The following TMEM65 variants were observed in gnomAD, a reference collection of about 807,000 sequenced individuals.
TMEM65 encodes transmembrane protein 65.
TMEM65 carries 22 observed loss-of-function variants against 25.4 expected under a neutral mutation model. The observed-to-expected ratio is 0.86, with a 90% confidence interval of 0.62 to 1.23. The LOEUF (loss-of-function observed/expected upper bound fraction) is 1.23. TMEM65 is among the 50% of genes most tolerant of loss of function. The pLI is 0.00. For missense variants in TMEM65, 262 were observed against 308.2 expected, an observed-to-expected ratio of 0.85 and a Z score of 1.12; for synonymous variants, 132 against 126.2, an observed-to-expected ratio of 1.05 and a Z score of -0.31.
chr8:124,345,599 T>G (rs1172704280), intron 1 of TMEM65, among the ~76,000 whole-genome samples: 1 of 152,220 alleles, frequency 6.6e-6, no homozygotes, highest in Admixed American at 6.5e-5. Flanking sequence ...GTGAGCTCTA[T>G]TATTTAATAG....
intron 1 of TMEM65, among the ~76,000 whole-genome samples, chr8:124,331,151 T>C (rs527588729): frequency 2.2e-4 from 33 of 151,904 alleles, no homozygotes; most frequent in African/African-American, 7.7e-4. Flanking sequence ...GGTACTCTTC[T>C]TTCAGATGGC....
At chr8:124,342,542 T>A (rs1268693567) in intron 1 of TMEM65, among the ~76,000 whole-genome samples, 1 of 152,182 alleles carries the variant, frequency 6.6e-6, no homozygotes, top group Non-Finnish European at 1.5e-5. Flanking sequence ...ATAACCTATA[T>A]AATAAACAAG....
In TMEM65 at chr8:124,314,012, A is replaced by C; in HGVS notation, c.671T>G (p.Leu224Ter). 6.2e-7 allele frequency: 1 copy of C among 1,613,700 alleles called. No homozygotes were observed. Among genetic ancestry groups the C allele is most frequent in the Non-Finnish European group, 8.5e-7 (1 of 1,179,792 alleles). ...TTCTTCACCTCCTCCAAAGAAAATT[A>C]AAGGAAACATTCCTAGAATGCAGCC... ...TIGCILGMFP[L>*]IFFGGGEEDE... Residue 224 changes from leucine (L) to a stop codon, truncating the protein, a stop_gained, in exon 7 of 7, where the codon TTA becomes TGA. Coordinates refer to ENST00000297632, the MANE Select transcript of TMEM65 (RefSeq NM_194291.3). LOFTEE classifies it high-confidence loss of function.
At chr8:124,366,038 T>C (rs1814934568) in intron 1 of TMEM65, among the ~76,000 whole-genome samples, 1 of 152,228 alleles carries the variant, frequency 6.6e-6, no homozygotes, top group South Asian at 2.1e-4. Flanking sequence ...CTGGCCAACC[T>C]GGCAAAACCC....
chr8:124,350,443 C>A (rs1237879830), intron 1 of TMEM65, among the ~76,000 whole-genome samples: 1 of 145,164 alleles, frequency 6.9e-6, no homozygotes, highest in Non-Finnish European at 1.5e-5. Flanking sequence ...CATAACATAC[C>A]CCTACACTCT....
At chr8:124,326,230 T>G (rs940876765) in intron 3 of TMEM65, among the ~76,000 whole-genome samples, 1 of 152,012 alleles carries the variant, frequency 6.6e-6, no homozygotes, top group Non-Finnish European at 1.5e-5. Context: ...GTATATGATA[T>G]TTTTTTCTCC....
At chr8:124,322,455 A>G (rs888628123) in intron 4 of TMEM65, among the ~76,000 whole-genome samples, 2 of 152,176 alleles carry the variant, frequency 1.3e-5, no homozygotes, top group Non-Finnish European at 2.9e-5. Context: ...GGAATTGGTA[A>G]AGTTGCATGT....
In TMEM65 at chr8:124,306,773, AC is replaced by A. The variant is rs1270890353; in HGVS notation, c.*7186del. The A allele has an allele frequency of 1.3e-5, 2 of 152,264 alleles. No individual in the cohort carries two copies. The highest frequency in any genetic ancestry group is 1.9e-4 in the East Asian group (1 of 5,176). The allele number at this position is 152,264 out of a possible 1,614,324, so 9.4% of individuals were successfully genotyped here. ...AGAGCAGCCTGGCCAACATGGTGAA[AC>A]CCTGTTTCTCCTAAAAATACAAAAA... On this transcript the variant is annotated 3_prime_UTR_variant, in exon 7 of 7. Coordinates refer to ENST00000297632, the MANE Select transcript of TMEM65 (RefSeq NM_194291.3).
At chr8:124,317,441 T>C (rs1814253005) in intron 6 of TMEM65, among the ~76,000 whole-genome samples, 1 of 152,212 alleles carries the variant, frequency 6.6e-6, no homozygotes, top group Non-Finnish European at 1.5e-5. Context: ...TAAAACTTCG[T>C]CCTTGATAGC....
Position 124,320,280 on chromosome 8 carries a change from C to A in TMEM65, c.516-89G>T, listed in dbSNP as rs140452650. On this transcript the variant is annotated intron_variant, in intron 5 of 6. Coordinates refer to ENST00000297632, the MANE Select transcript of TMEM65 (RefSeq NM_194291.3). ...ACAAAACAAAACAAAGACATGAGGA[C>A]AAAATATAGGTTTTTAAAAAGACAT... 1,971 of 948,550 alleles carry A rather than the reference C, an allele frequency of 2.1e-3. 2 individuals are homozygous for A. Among genetic ancestry groups the A allele is most frequent in the Non-Finnish European group, 2.7e-3 (1,733 of 636,860 alleles). The allele number at this position is 948,550 out of a possible 1,614,324, so 58.8% of individuals were successfully genotyped here.
At chr8:124,339,116 GAGGCA>G (rs1195530405) in intron 1 of TMEM65, among the ~76,000 whole-genome samples, 3 of 140,680 alleles carry the variant, frequency 2.1e-5, no homozygotes, top group Non-Finnish European at 4.5e-5. Context: ...TTGAACCTCA[GAGGCA>G]GAGCTTGCGG....
chr8:124,320,621 C>A (rs1391639946), intron 5 of TMEM65, among the ~76,000 whole-genome samples: 1 of 152,100 alleles, frequency 6.6e-6, no homozygotes, highest in African/African-American at 2.4e-5. Context: ...TATCAGACAG[C>A]AAAAGTTTCC....
At chr8:124,339,146 C>G (rs1441649326) in intron 1 of TMEM65, among the ~76,000 whole-genome samples, 1 of 136,266 alleles carries the variant, frequency 7.3e-6, no homozygotes, top group Admixed American at 7.9e-5. Context: ...GAGCCCAGAT[C>G]GCACCACTGT....
intron 1 of TMEM65, among the ~76,000 whole-genome samples, chr8:124,369,153 A>C (rs1279887503): frequency 6.6e-6 from 1 of 152,242 alleles, no homozygotes; most frequent in Non-Finnish European, 1.5e-5. Flanking sequence ...AAGAGAGATC[A>C]GGCTGAGCAG....
At chr8:124,362,359 A>C (rs1347045457) in intron 1 of TMEM65, among the ~76,000 whole-genome samples, 2 of 152,188 alleles carry the variant, frequency 1.3e-5, no homozygotes, top group East Asian at 3.9e-4. Context: ...AGGTGGAAAA[A>C]GAAAGAGAAT....
At chr8:124,326,759 A>G (rs2131200863) in intron 3 of TMEM65, among the ~76,000 whole-genome samples, 1 of 152,188 alleles carries the variant, frequency 6.6e-6, no homozygotes, top group Admixed American at 6.5e-5. Flanking sequence ...ATATAGTAGT[A>G]AGAAAGGTAA....
At chr8:124,346,207 C>T (rs1168291594) in intron 1 of TMEM65, among the ~76,000 whole-genome samples, 2 of 152,146 alleles carry the variant, frequency 1.3e-5, no homozygotes, top group Non-Finnish European at 2.9e-5. Context: ...CATCAGATCT[C>T]GTGAGAACTT....
At chr8:124,342,992 AAT>A (rs1456202391) in intron 1 of TMEM65, among the ~76,000 whole-genome samples, 1 of 152,284 alleles carries the variant, frequency 6.6e-6, no homozygotes, top group East Asian at 1.9e-4. Context: ...GTTATTAGAA[AAT>A]ATGTTTCTTT....
rs774023832 is a variant in TMEM65, at chr8:124,313,998, C to A, written c.685G>T (p.Gly229Ter). 2.5e-6 allele frequency: 4 copies of A among 1,613,558 alleles called. No homozygotes were observed. Among genetic ancestry groups the A allele is most frequent in the Non-Finnish European group, 3.4e-6 (4 of 1,179,740 alleles). The change falls in exon 7 of 7, where the codon GGA becomes TGA. Residue 229 changes from glycine to a stop codon, truncating the protein, a stop_gained. Coordinates refer to ENST00000297632, the MANE Select transcript of TMEM65 (RefSeq NM_194291.3). LOFTEE classifies it high-confidence loss of function. ...TCCAGTTTTTCATCTTCTTCACCTC[C>A]TCCAAAGAAAATTAAAGGAAACATT... ...LGMFPLIFFG[G>*]GEEDEKLETK...
Sources: allele counts gnomAD v4.1 joint callset (sites outside exome capture counted in the v4.1 genomes callset), GRCh38; gene constraint gnomAD v4.1.1; transcripts MANE v1.5; gene names NCBI Gene and HGNC (gene_info 2026-07-23, HGNC 2026-07-21).